Variants in TPCN2 observed in about 807,000 individuals in gnomAD.
TPCN2 encodes the protein two pore channel protein 2.
TPCN2 carries 92 observed loss-of-function variants against 111.4 expected under a neutral mutation model. The observed-to-expected ratio is 0.83, with a 90% confidence interval of 0.70 to 0.98. The LOEUF is 0.98. Ranked by LOEUF, TPCN2 falls within the 50% of genes least tolerant of loss-of-function variation. The pLI, the probability that TPCN2 is intolerant of heterozygous loss-of-function variation, is 0.00. For synonymous variants in TPCN2, 405 were observed against 414.5 expected (o/e 0.98, Z 0.28); for missense variants, 995 against 980.1 (o/e 1.02, Z -0.20).
Position 69,085,757 on chromosome 11 carries a change from GCCCTGCGCCCTGTCCCAGCA to G in TPCN2, c.1920+12_1920+31del. 1 of 1,614,018 alleles carries G rather than the reference GCCCTGCGCCCTGTCCCAGCA, an allele frequency of 6.2e-7. No homozygotes were observed. The highest frequency in any genetic ancestry group is 8.5e-7 in the Non-Finnish European group (1 of 1,179,892). On this transcript the variant is annotated splice_donor_region_variant and intron_variant, in intron 21 of 24. Transcript: ENST00000294309. ...AACAACTTCGATGACTTTGCGGTGA[GCCCTGCGCCCTGTCCCAGCA>G]CCCTGCTCCCCGGGCTCCTCCCCTC...
rs113523208 is a variant in TPCN2 at position 69,057,561 on chromosome 11, G to A, written c.430-17G>A. Reference sequence around the variant, plus strand: ...GTGTGGGGCTACTTGCTGCTCACCCGCCCGTCTATCTTGCAGGGTTACCTG... The same window carrying A: ...GTGTGGGGCTACTTGCTGCTCACCCACCCGTCTATCTTGCAGGGTTACCTG... On this transcript the variant is annotated splice_polypyrimidine_tract_variant and intron_variant, in intron 4 of 24. Coordinates refer to ENST00000294309, the MANE Select transcript of TPCN2 (RefSeq NM_139075.4). 13 of 1,611,056 alleles carry A rather than the reference G, an allele frequency of 8.1e-6. No homozygotes were observed. The highest frequency in any genetic ancestry group is 1.6e-4 in the Middle Eastern group (1 of 6,078).
rs1317342240 is a variant in TPCN2, at chr11:69,090,007, C to G, written c.*2054C>G. On this transcript the variant is annotated 3_prime_UTR_variant, in exon 25 of 25. Coordinates refer to ENST00000294309, the MANE Select transcript of TPCN2 (RefSeq NM_139075.4). ...AAGCCTTATTTTATACTTGCCTGCC[C>G]CTTTCTCTTTCATTTATTGGAGTGA... The G allele has an allele frequency of 6.6e-6, 1 of 152,052 alleles. No individual in the cohort carries two copies. Among genetic ancestry groups the G allele is most frequent in the Non-Finnish European group, 1.5e-5 (1 of 68,026 alleles). The allele number at this position is 152,052 out of a possible 1,614,324, so 9.4% of individuals were successfully genotyped here. A position where few individuals can be genotyped will look rare whatever the true frequency, so the allele number is the denominator to read the frequency against.
chr11:69,081,272 G>A, intron 17 of TPCN2, 128 bp from the exon 18 acceptor site: 1 of 607,424 alleles, frequency 1.6e-6, no homozygotes, highest in Non-Finnish European at 3.0e-6. Flanking sequence ...GGTGTTGGCT[G>A]TGGGGTGCAC....
At position 69,060,981 on chromosome 11, in the gene TPCN2, G is replaced by A. The variant is rs185348240; in HGVS notation, c.547-1903G>A. ...GGCCCTGGGGTCCCTTTTGAGAATGGTGATTCACTTGGAGTGAGCGCTGGG... is the reference window on the plus strand; with the variant it reads ...GGCCCTGGGGTCCCTTTTGAGAATGATGATTCACTTGGAGTGAGCGCTGGG... On this transcript the variant is annotated intron_variant, in intron 5 of 24. Coordinates refer to ENST00000294309, the MANE Select transcript of TPCN2 (RefSeq NM_139075.4). 9.2e-5 allele frequency among the ~76,000 whole-genome samples: 14 copies of A among 152,332 alleles called. No homozygotes were observed. The East Asian group carries it at 2.7e-3, about 29-fold the overall frequency.
intron 1 of TPCN2, among the ~76,000 whole-genome samples, chr11:69,049,985 C>T (rs1349096215): frequency 6.6e-6 from 1 of 152,258 alleles, no homozygotes; most frequent in Admixed American, 6.5e-5. Flanking sequence ...TGAGAATTCA[C>T]ACCTGGCTCC....
Position 69,090,222 on chromosome 11 carries a change from C to T in TPCN2, c.*2269C>T, listed in dbSNP as rs571514129. 11 of 62,352 alleles carry T rather than the reference C, an allele frequency of 1.8e-4. No homozygotes were observed. In the East Asian group the frequency reaches 4.3e-3, roughly 24 times the overall value. 3.9% of individuals were successfully genotyped at this position (62,352 alleles called of 1,614,324 possible). ...CATCTATTCACAGCTGGGAATGATA[C>T]TAATACCTCCGATTTTAGCCCAGCA... On this transcript the variant is annotated 3_prime_UTR_variant, in exon 25 of 25. Coordinates refer to ENST00000294309, the MANE Select transcript of TPCN2 (RefSeq NM_139075.4).
At position 69,085,170 on chromosome 11, in the gene TPCN2, A is replaced by G. The variant is rs768101058; in HGVS notation, c.1762-40A>G. On this transcript the variant is annotated intron_variant, in intron 19 of 24. Coordinates refer to ENST00000294309, the MANE Select transcript of TPCN2 (RefSeq NM_139075.4). ...GGGGAGGGTGGTGGTGGGTGCACCC[A>G]TGGGTGGGGCTGATCAGTCCCCGGC... 11 of 1,591,558 alleles carry G rather than the reference A, an allele frequency of 6.9e-6. No homozygotes were observed. The Admixed American group carries it at 8.3e-5, about 12-fold the overall frequency.
At chr11:69,058,261 G>A (rs996267194) in intron 5 of TPCN2, among the ~76,000 whole-genome samples, 7 of 152,216 alleles carry the variant, frequency 4.6e-5, no homozygotes, top group Non-Finnish European at 8.8e-5. Flanking sequence ...CCCCACAGGT[G>A]CCTTGTGGAG....
At chr11:69,072,749 G>C (rs201743920) in intron 12 of TPCN2, 41 bp downstream of exon 12, 2 of 1,610,470 alleles carry the variant, frequency 1.2e-6, no homozygotes, top group African/African-American at 2.7e-5. Context: ...GGCTCCTCCC[G>C]GGAGGTCACT....
At chr11:69,061,189 G>A (rs950330938) in intron 5 of TPCN2, among the ~76,000 whole-genome samples, 2 of 152,202 alleles carry the variant, frequency 1.3e-5, no homozygotes, top group African/African-American at 2.4e-5. Flanking sequence ...GTGCCATGCC[G>A]GAGAGGAGCC....
At chr11:69,086,952 A>G (rs1172744132) in intron 23 of TPCN2, among the ~76,000 whole-genome samples, 160 bp from the exon 24 acceptor site, 2 of 152,000 alleles carry the variant, frequency 1.3e-5, no homozygotes, top group African/African-American at 4.8e-5. Context: ...TGGCTCCAGG[A>G]GGAGCCAGCA....
At chr11:69,067,748 T>C (rs1382154646) in intron 8 of TPCN2, 143 bp downstream of exon 8, 1 of 629,530 alleles carries the variant, frequency 1.6e-6, no homozygotes, top group Non-Finnish European at 2.7e-6. Context: ...GACATTTTCC[T>C]TCCTCCCCTT....
At position 69,078,531 on chromosome 11, in the gene TPCN2, T is replaced by A; in HGVS notation, c.1280T>A (p.Phe427Tyr). The A allele has an allele frequency of 6.2e-7, 1 of 1,614,126 alleles. No individual in the cohort carries two copies. The highest frequency in any genetic ancestry group is 8.5e-7 in the Non-Finnish European group (1 of 1,180,020). The change falls in exon 14 of 25, where the codon TTC (phenylalanine) becomes TAC (tyrosine). Residue 427 changes from phenylalanine (F) to tyrosine (Y), a missense_variant. Phe to Tyr is a conservative substitution (Grantham distance 22, BLOSUM62 3). Coordinates refer to ENST00000294309, the MANE Select transcript of TPCN2 (RefSeq NM_139075.4). ...TCTCCGTTTCTGCAGAGCGCCCAGT[T>A]CCTCTTCGGCCACTACTACTTTGAC... ...YQSPFLQSAQ[F>Y]LFGHYYFDYL...
chr11:69,073,896 C>T (rs989285116), intron 13 of TPCN2, among the ~76,000 whole-genome samples: 1 of 152,176 alleles, frequency 6.6e-6, no homozygotes, highest in African/African-American at 2.4e-5. Context: ...TAGACATCGC[C>T]TTCTCCCTGT....
chr11:69,057,756 C>T, intron 5 of TPCN2, 62 bp downstream of exon 5: 1 of 1,501,252 alleles, frequency 6.7e-7, no homozygotes, highest in Non-Finnish European at 9.3e-7. Flanking sequence ...GGTGCAAGGC[C>T]CACGGGGGTG....
chr11:69,085,343 G>GGGGGGGGGGGGC, intron 20 of TPCN2, 57 bp downstream of exon 20: 1 of 581,896 alleles, frequency 1.7e-6, no homozygotes, highest in Non-Finnish European at 3.4e-6. Flanking sequence ...GGGTGGGCGG[G>GGGGGGGGGGGGC]AAGCCTTGGC....
chr11:69,070,026 CTTT>C (rs34320189), intron 8 of TPCN2, among the ~76,000 whole-genome samples: 2 of 143,918 alleles, frequency 1.4e-5, no homozygotes, highest in African/African-American at 2.6e-5. Context: ...TTCTTTCTTT[CTTT>C]TTTTTTTTTG....
intron 5 of TPCN2, among the ~76,000 whole-genome samples, chr11:69,060,165 C>T (rs1165939022): frequency 6.6e-6 from 1 of 152,224 alleles, no homozygotes; most frequent in African/African-American, 2.4e-5. Flanking sequence ...TCTCTCCACG[C>T]CCCTGTCCTC....
At chr11:69,050,351 T>A (rs1249270761) in intron 1 of TPCN2, among the ~76,000 whole-genome samples, 1 of 152,186 alleles carries the variant, frequency 6.6e-6, no homozygotes, top group Non-Finnish European at 1.5e-5. Flanking sequence ...CTGCACTGGC[T>A]GTGTGACCTT....
Sources: allele counts gnomAD v4.1 joint callset (sites outside exome capture counted in the v4.1 genomes callset), GRCh38; gene constraint gnomAD v4.1.1; transcripts MANE v1.5; gene names NCBI Gene and HGNC (gene_info 2026-07-23, HGNC 2026-07-21).